The following PIK3CB variants were observed in gnomAD, a reference collection of about 807,000 sequenced individuals.
PIK3CB encodes phosphatidylinositol 4,5-bisphosphate 3-kinase catalytic subunit beta isoform.
Under a neutral mutation model 136.8 loss-of-function variants are expected in PIK3CB, and 39 were observed. The observed-to-expected ratio is 0.29, with a 90% CI of 0.22 to 0.37. The LOEUF (loss-of-function observed/expected upper bound fraction) is 0.37, where lower values mean the gene tolerates loss of function less well. PIK3CB is among the 10% of genes least tolerant of loss of function. The probability of loss-of-function intolerance (pLI) is 1.00; values close to 1 mark genes in which losing one functional copy is unlikely to be tolerated. For synonymous variants in PIK3CB, 428 were observed against 436.6 expected, an observed-to-expected ratio of 0.98 and a Z score of 0.25; for missense variants, 868 against 1,275.4, an observed-to-expected ratio of 0.68 and a Z score of 4.87.
intron 2 of PIK3CB, among the ~76,000 whole-genome samples, chr3:138,759,591 A>G (rs2045632537): frequency 6.6e-6 from 1 of 152,146 alleles, no homozygotes. Flanking sequence ...ACATTATCCA[A>G]TCCATACCAC....
At chr3:138,668,927 G>GT (rs1012600098) in intron 19 of PIK3CB, among the ~76,000 whole-genome samples, 26 of 152,100 alleles carry the variant, frequency 1.7e-4, no homozygotes, top group Non-Finnish European at 3.4e-4. Flanking sequence ...ATATTATGTG[G>GT]TATTTATCTT....
intron 12 of PIK3CB, among the ~76,000 whole-genome samples, chr3:138,703,803 C>A (rs976067879): frequency 1.3e-5 from 2 of 152,122 alleles, no homozygotes; most frequent in Admixed American, 6.6e-5. Flanking sequence ...CTTAGCCAAG[C>A]GCATGACTGA....
chr3:138,754,026 G>A (rs1239080624), intron 4 of PIK3CB, among the ~76,000 whole-genome samples: 2 of 151,862 alleles, frequency 1.3e-5, no homozygotes, highest in East Asian at 3.9e-4. Flanking sequence ...AAATATTGTC[G>A]GTCAATATAC....
intron 1 of PIK3CB, among the ~76,000 whole-genome samples, chr3:138,807,574 T>C (rs574585359): frequency 7.9e-5 from 12 of 152,036 alleles, no homozygotes; most frequent in Non-Finnish European, 1.6e-4. Context: ...CATAACGGAA[T>C]GTTGTGCAGC....
At chr3:138,783,753 T>G (rs376931609) in intron 2 of PIK3CB, among the ~76,000 whole-genome samples, 5 of 152,126 alleles carry the variant, frequency 3.3e-5, no homozygotes, top group African/African-American at 1.2e-4. Context: ...TAAGGTGCTG[T>G]TCTTCATGCA....
At chr3:138,798,280 T>C (rs1212107156) in intron 1 of PIK3CB, among the ~76,000 whole-genome samples, 1 of 152,186 alleles carries the variant, frequency 6.6e-6, no homozygotes, top group Non-Finnish European at 1.5e-5. Context: ...ATCCTCCACC[T>C]CAGCCTCCCA....
chr3:138,778,314 A>G, intron 2 of PIK3CB: 1 of 353,866 alleles, frequency 2.8e-6, no homozygotes, highest in South Asian at 2.2e-5. Context: ...AAGATCACCC[A>G]TGACAACTTT....
intron 1 of PIK3CB, among the ~76,000 whole-genome samples, chr3:138,798,227 C>T (rs1041416984): frequency 1.3e-4 from 19 of 151,986 alleles, no homozygotes; most frequent in African/African-American, 4.6e-4. Flanking sequence ...TGTGGTGGCA[C>T]AATAGCAGCT....
At chr3:138,703,512 C>CA (rs1297746584) in intron 12 of PIK3CB, among the ~76,000 whole-genome samples, 1 of 145,050 alleles carries the variant, frequency 6.9e-6, no homozygotes, top group Non-Finnish European at 1.5e-5. Context: ...TAGAAAGAGC[C>CA]AAAAAATTAA....
chr3:138,787,753 C>G (rs372642300), intron 2 of PIK3CB, among the ~76,000 whole-genome samples: 2 of 147,786 alleles, frequency 1.4e-5, no homozygotes, highest in East Asian at 4.0e-4. Context: ...AAAAAAAAAT[C>G]TAGTTTGTTT....
chr3:138,711,507 A>G (rs917138591), intron 10 of PIK3CB, among the ~76,000 whole-genome samples: 22 of 135,302 alleles, frequency 1.6e-4, no homozygotes, highest in African/African-American at 6.0e-4. Flanking sequence ...TGAACCTGGG[A>G]GGCAGAGGTT....
At chr3:138,671,242 A>C (rs2043526908) in intron 19 of PIK3CB, among the ~76,000 whole-genome samples, 1 of 152,236 alleles carries the variant, frequency 6.6e-6, no homozygotes, top group Non-Finnish European at 1.5e-5. Context: ...ACTTACGAGA[A>C]GAACTTAATA....
chr3:138,787,957 C>T (rs1375351914), intron 2 of PIK3CB, among the ~76,000 whole-genome samples: 1 of 142,044 alleles, frequency 7.0e-6, no homozygotes, highest in Non-Finnish European at 1.5e-5. Context: ...TGATCTTGCT[C>T]TGTCACCCAG....
At chr3:138,795,061 T>G (rs1208081627) in intron 2 of PIK3CB, among the ~76,000 whole-genome samples, 3 of 152,052 alleles carry the variant, frequency 2.0e-5, no homozygotes, top group Admixed American at 6.6e-5. Flanking sequence ...GGCTCACGCC[T>G]GTAATCCCAG....
intron 12 of PIK3CB, 102 bp downstream of exon 12, chr3:138,704,341 T>G: frequency 1.2e-6 from 1 of 826,006 alleles, no homozygotes; most frequent in Non-Finnish European, 2.1e-6. Context: ...TGTTCTTGCA[T>G]ATGAGTTACG....
At chr3:138,701,097 A>G (rs530556085) in intron 12 of PIK3CB, among the ~76,000 whole-genome samples, 12 of 152,256 alleles carry the variant, frequency 7.9e-5, no homozygotes, top group African/African-American at 2.6e-4. Flanking sequence ...TGATATTCAC[A>G]CTAAAAATGC....
At chr3:138,826,161 G>T (rs1234718434) in intron 1 of PIK3CB, 2 of 1,075,332 alleles carry the variant, frequency 1.9e-6, no homozygotes, top group Non-Finnish European at 2.8e-6. Context: ...TATGGTTCCT[G>T]ACAAGCCGAT....
In PIK3CB at chr3:138,741,937, T is replaced by C. The variant is rs562859040; in HGVS notation, c.621+621A>G. Among the ~76,000 whole-genome samples the C allele has an allele frequency of 7.9e-5, 12 of 152,306 alleles. No homozygotes were observed. The East Asian group carries it at 1.5e-3, about 20-fold the overall frequency. On this transcript the variant is annotated intron_variant, in intron 5 of 23. Transcript: ENST00000674063. ...TAGTAGCATCATCTAGTTTGTATAA[T>C]TGCTATGAACATTCAGAAATGGATG...
At chr3:138,670,363 C>T (rs539667389) in intron 19 of PIK3CB, among the ~76,000 whole-genome samples, 2 of 152,284 alleles carry the variant, frequency 1.3e-5, no homozygotes, top group Admixed American at 1.3e-4. Flanking sequence ...CTGTGCTAAC[C>T]TTGGAAAGAA....
Sources: allele counts gnomAD v4.1 joint callset (sites outside exome capture counted in the v4.1 genomes callset), GRCh38; gene constraint gnomAD v4.1.1; transcripts MANE v1.5; gene names NCBI Gene and HGNC (gene_info 2026-07-23, HGNC 2026-07-21).